TFPI: variants seen among roughly 807,000 people sequenced by gnomAD.
TFPI encodes the protein anti-convertin.
A neutral mutation model predicts 34.6 loss-of-function variants in TFPI; 15 were observed. The observed-to-expected ratio is 0.43, with a 90% confidence interval of 0.29 to 0.67. The LOEUF (loss-of-function observed/expected upper bound fraction) is 0.67, where lower values mean the gene tolerates loss of function less well. Ranked by LOEUF, TFPI falls within the 30% of genes least tolerant of loss-of-function variation. The probability of loss-of-function intolerance (pLI) is 0.15; values close to 1 mark genes in which losing one functional copy is unlikely to be tolerated. For synonymous variants in TFPI, 105 were observed against 120.1 expected, an observed-to-expected ratio of 0.87 and a Z score of 0.82; for missense variants, 301 against 364.0, an observed-to-expected ratio of 0.83 and a Z score of 1.41.
chr2:187,507,004 AC>A (rs1686267125), intron 1 of TFPI, among the ~76,000 whole-genome samples: 1 of 152,192 alleles, frequency 6.6e-6, no homozygotes, highest in South Asian at 2.1e-4. Context: ...GGTTTGCTGC[AC>A]CCATCAACCC....
intron 3 of TFPI, among the ~76,000 whole-genome samples, chr2:187,488,828 A>C (rs1693489918): frequency 1.3e-5 from 2 of 151,548 alleles, no homozygotes; most frequent in South Asian, 4.1e-4. Flanking sequence ...TCGTTGTCTC[A>C]ATCCAATTGC....
intron 1 of TFPI, among the ~76,000 whole-genome samples, chr2:187,530,829 T>A (rs577411173): frequency 2.1e-4 from 32 of 152,334 alleles, no homozygotes; most frequent in African/African-American, 7.7e-4. Context: ...TAAAAATTGT[T>A]TTATTTTGTA....
chr2:187,549,433 A>G (rs1021926378), intron 1 of TFPI, among the ~76,000 whole-genome samples: 1 of 152,080 alleles, frequency 6.6e-6, no homozygotes, highest in Non-Finnish European at 1.5e-5. Flanking sequence ...AACCCTGAGC[A>G]TTCATAGTCT....
At chr2:187,481,656 G>A (rs1284560551) in intron 6 of TFPI, among the ~76,000 whole-genome samples, 2 of 149,246 alleles carry the variant, frequency 1.3e-5, no homozygotes, top group African/African-American at 2.5e-5. Context: ...GGAGGGAAGG[G>A]AGGGGAGGGG....
At chr2:187,541,369 A>G (rs1313699717) in intron 1 of TFPI, among the ~76,000 whole-genome samples, 1 of 152,214 alleles carries the variant, frequency 6.6e-6, no homozygotes, top group Non-Finnish European at 1.5e-5. Context: ...ACCTACAGTG[A>G]GCATCTGACT....
At chr2:187,514,472 C>CGCTT (rs1559135751) in intron 1 of TFPI, 1 of 152,244 alleles carries the variant, frequency 6.6e-6, no homozygotes. Flanking sequence ...AGGGCCATCC[C>CGCTT]GCTTCCGTCT....
chr2:187,539,726 T>C (rs1688467649), intron 1 of TFPI, among the ~76,000 whole-genome samples: 1 of 152,158 alleles, frequency 6.6e-6, no homozygotes, highest in Admixed American at 6.5e-5. Context: ...ATGTGACTTA[T>C]TCCAAATCAG....
intron 1 of TFPI, among the ~76,000 whole-genome samples, chr2:187,506,850 T>A (rs1686252566): frequency 6.6e-6 from 1 of 152,128 alleles, no homozygotes; most frequent in Non-Finnish European, 1.5e-5. Flanking sequence ...ACTGGGGTAA[T>A]GATTGTTAGA....
At chr2:187,545,944 G>A (rs935197045) in intron 1 of TFPI, among the ~76,000 whole-genome samples, 1 of 152,060 alleles carries the variant, frequency 6.6e-6, no homozygotes, top group Non-Finnish European at 1.5e-5. Context: ...TCCTGGAAGT[G>A]GAGAAGTGAA....
intron 1 of TFPI, among the ~76,000 whole-genome samples, chr2:187,550,601 A>G (rs1689062332): frequency 6.6e-6 from 1 of 152,178 alleles, no homozygotes; most frequent in African/African-American, 2.4e-5. Flanking sequence ...AATATAACTC[A>G]TAATGAGAAA....
At chr2:187,474,181 T>C (rs1355474044) in intron 6 of TFPI, among the ~76,000 whole-genome samples, 1 of 152,202 alleles carries the variant, frequency 6.6e-6, no homozygotes, top group Non-Finnish European at 1.5e-5. Context: ...CTTCATGACA[T>C]ATATGTAAAA....
At chr2:187,497,228 GTAGA>G (rs1685545567) in intron 2 of TFPI, 150 bp from the exon 3 acceptor site, 2 of 766,438 alleles carry the variant, frequency 2.6e-6, no homozygotes, top group Non-Finnish European at 4.0e-6. Context: ...TATCAAAATG[GTAGA>G]TAAAGTTAAT....
chr2:187,505,530 A>T lies in TFPI; in HGVS notation c.-2-1760T>A, dbSNP rs766628045. Among the ~76,000 whole-genome samples the T allele has an allele frequency of 1.4e-4, 22 of 152,256 alleles. No homozygotes were observed. The East Asian group carries it at 3.9e-3, about 27-fold the overall frequency. ...TTCTCATTGTGGCTACACTCCTTAG[A>T]CAGCTTTATTTTCTCTCAGTGTGAC... On this transcript the variant is annotated intron_variant, in intron 1 of 7. Transcript: ENST00000233156.
In TFPI at chr2:187,466,554, ATTCC is replaced by A. The variant is rs1691728222; in HGVS notation, c.*378_*381del. On this transcript the variant is annotated 3_prime_UTR_variant, in exon 8 of 8. Coordinates refer to ENST00000233156, the MANE Select transcript of TFPI (RefSeq NM_006287.6). ...AAGTTCTTGATTTTTTAAGAGCTGT[ATTCC>A]TTAATCTGGTTACAGGCTATAAAGG... is the stretch of plus-strand genomic sequence containing the variant. The A allele has an allele frequency of 6.5e-6, 1 of 153,582 alleles. No individual in the cohort carries two copies. The highest frequency in any genetic ancestry group is 2.0e-4 in the South Asian group (1 of 4,946). 9.5% of individuals were successfully genotyped at this position (153,582 alleles called of 1,614,324 possible). A position where few individuals can be genotyped will look rare whatever the true frequency, so the allele number is the denominator to read the frequency against.
intron 1 of TFPI, among the ~76,000 whole-genome samples, chr2:187,528,209 G>T (rs1022795068): frequency 6.6e-6 from 1 of 152,108 alleles, no homozygotes; most frequent in African/African-American, 2.4e-5. Flanking sequence ...CATCAGAGAA[G>T]GGCGTAGGTC....
At chr2:187,540,021 T>A (rs867146935) in intron 1 of TFPI, among the ~76,000 whole-genome samples, 4 of 150,622 alleles carry the variant, frequency 2.7e-5, no homozygotes, top group Admixed American at 1.3e-4. Flanking sequence ...GCCTCAAGCC[T>A]CAAGCTGGGA....
intron 7 of TFPI, among the ~76,000 whole-genome samples, 194 bp downstream of exon 7, chr2:187,467,555 TTTTC>T (rs1691785691): frequency 2.0e-5 from 3 of 152,278 alleles, no homozygotes; most frequent in African/African-American, 7.2e-5. Flanking sequence ...AATTGATTCT[TTTTC>T]TATGAGGACA....
chr2:187,531,048 G>T (rs1687931943), intron 1 of TFPI, among the ~76,000 whole-genome samples: 3 of 151,928 alleles, frequency 2.0e-5, no homozygotes. Flanking sequence ...TCCATATTCT[G>T]TACTCATAAA....
At chr2:187,538,249 G>A (rs1353456833) in intron 1 of TFPI, among the ~76,000 whole-genome samples, 1 of 152,156 alleles carries the variant, frequency 6.6e-6, no homozygotes, top group Non-Finnish European at 1.5e-5. Flanking sequence ...ACACCCAAAG[G>A]ATTATAAATC....
Sources: allele counts gnomAD v4.1 joint callset (sites outside exome capture counted in the v4.1 genomes callset), GRCh38; gene constraint gnomAD v4.1.1; transcripts MANE v1.5; gene names NCBI Gene and HGNC (gene_info 2026-07-23, HGNC 2026-07-21).